ADGRL2: variants seen among roughly 807,000 people sequenced by gnomAD.
ADGRL2 encodes calcium-independent alpha-latrotoxin receptor 2.
In ADGRL2, 44 loss-of-function variants were observed where a neutral mutation model predicts 157.4. The ratio of observed to expected loss-of-function variants is 0.28; its 90% CI spans 0.22 to 0.36. The LOEUF is 0.36. ADGRL2 is among the 10% of genes least tolerant of loss of function. The probability of loss-of-function intolerance (pLI) is 1.00; values close to 1 mark genes in which losing one functional copy is unlikely to be tolerated. For missense variants in ADGRL2, 1,510 were observed against 1,768.9 expected (o/e 0.85, Z 2.63); for synonymous variants, 585 against 624.7 (o/e 0.94, Z 0.95).
At chr1:81,374,380 T>A (rs56246322) in intron 1 of ADGRL2, among the ~76,000 whole-genome samples, 2,336 of 152,232 alleles carry the variant, frequency 0.015, 61 homozygotes, top group African/African-American at 0.053. Context: ...GAGACCAGCC[T>A]GGCCAACATG....
At chr1:81,372,213 TTTAA>T (rs146103006) in intron 1 of ADGRL2, among the ~76,000 whole-genome samples, 2,450 of 152,322 alleles carry the variant, frequency 0.016, 62 homozygotes, top group African/African-American at 0.055. Flanking sequence ...ACAGTAGTAC[TTTAA>T]TTAATCATCT....
At chr1:81,798,253 T>C (rs373427687), upstream of ADGRL2, among the ~76,000 whole-genome samples, 8 of 152,234 alleles carry the variant, frequency 5.3e-5, no homozygotes, top group East Asian at 1.5e-3. Flanking sequence ...CTCTATGGTG[T>C]GTGCCTTTTA....
intron 3 of ADGRL2, among the ~76,000 whole-genome samples, chr1:81,934,176 T>C (rs575571769): frequency 9.5e-4 from 144 of 152,188 alleles, no homozygotes; most frequent in South Asian, 5.0e-3. Flanking sequence ...CAATAAAAAT[T>C]ATGTGGTTGG....
chr1:81,884,749 A>G (rs36074946), intron 2 of ADGRL2, among the ~76,000 whole-genome samples: 1,569 of 152,330 alleles, frequency 0.01, 8 homozygotes, highest in Admixed American at 0.017. Context: ...TAAAACAGAA[A>G]TAATGAATAT....
chr1:81,661,248 A>T (rs1259646510), intron 3 of ADGRL2, among the ~76,000 whole-genome samples: 3 of 152,210 alleles, frequency 2.0e-5, no homozygotes, highest in African/African-American at 7.2e-5. Flanking sequence ...TCACCTTTGT[A>T]ACAATGAGAA....
intron 1 of ADGRL2, among the ~76,000 whole-genome samples, chr1:81,741,171 G>A (rs1218742935): frequency 6.7e-6 from 1 of 148,830 alleles, no homozygotes; most frequent in Non-Finnish European, 1.5e-5. Context: ...GGAGTAAAAT[G>A]AAGTTGAAGA....
intron 3 of ADGRL2, among the ~76,000 whole-genome samples, chr1:81,657,962 G>A (rs2082570553): frequency 1.3e-5 from 2 of 152,076 alleles, no homozygotes; most frequent in African/African-American, 2.4e-5. Context: ...AAAATAAAAA[G>A]GATGGCAAGT....
At chr1:81,624,452 G>T (rs1337205560) in intron 3 of ADGRL2, among the ~76,000 whole-genome samples, 1 of 151,778 alleles carries the variant, frequency 6.6e-6, no homozygotes, top group Admixed American at 6.6e-5. Context: ...GTGGTGGCCC[G>T]CGCCTGTAAT....
At chr1:81,335,027 T>C (rs1254939067) in intron 1 of ADGRL2, among the ~76,000 whole-genome samples, 1 of 152,198 alleles carries the variant, frequency 6.6e-6, no homozygotes, top group Non-Finnish European at 1.5e-5. Context: ...CTTCCTTACC[T>C]GAAACTAACC....
intron 19 of ADGRL2, among the ~76,000 whole-genome samples, chr1:81,983,044 A>G (rs1035056445): frequency 6.6e-5 from 10 of 151,176 alleles, no homozygotes; most frequent in African/African-American, 2.4e-4. Context: ...TATATTTCCT[A>G]CATAAGTGAG....
intron 1 of ADGRL2, among the ~76,000 whole-genome samples, chr1:81,366,275 A>T (rs1252246580): frequency 3.4e-5 from 5 of 146,864 alleles, no homozygotes; most frequent in African/African-American, 9.9e-5. Flanking sequence ...ACCCACCAAG[A>T]TATGACACAT....
intron 1 of ADGRL2, among the ~76,000 whole-genome samples, chr1:81,818,367 A>G (rs1029487489): frequency 6.6e-6 from 1 of 152,158 alleles, no homozygotes; most frequent in African/African-American, 2.4e-5. Flanking sequence ...TGGATTTTAC[A>G]TTCAAGATGT....
chr1:81,727,907 T>G (rs993733255), intron 1 of ADGRL2, among the ~76,000 whole-genome samples: 3 of 152,084 alleles, frequency 2.0e-5, no homozygotes, highest in African/African-American at 7.2e-5. Flanking sequence ...AATTACAAGT[T>G]CCATGTAGGC....
intron 2 of ADGRL2, among the ~76,000 whole-genome samples, chr1:81,793,316 C>A (rs1557656140): frequency 6.6e-6 from 1 of 152,112 alleles, no homozygotes; most frequent in Non-Finnish European, 1.5e-5. Context: ...ACACATAGCA[C>A]AACTGCTTTC....
At position 81,953,028 on chromosome 1, in the gene ADGRL2, ATC is replaced by A; in HGVS notation, c.1833+8_1833+9del. On this transcript the variant is annotated splice_donor_5th_base_variant and intron_variant, in intron 10 of 23. Coordinates refer to ENST00000686636, the MANE Select transcript of ADGRL2 (RefSeq NM_001366006.2). ...AGACATGCAGGGCTTACCTTAAGGT[ATC>A]TCTCCTGTGCTGTCACCCTGCTTTC... 1.2e-6 allele frequency: 2 copies of A among 1,611,266 alleles called. No homozygotes were observed. Among genetic ancestry groups the A allele is most frequent in the Non-Finnish European group, 1.7e-6 (2 of 1,178,704 alleles).
intron 2 of ADGRL2, among the ~76,000 whole-genome samples, chr1:81,456,300 GC>G (rs1186872747): frequency 6.6e-6 from 1 of 151,948 alleles, no homozygotes; most frequent in Admixed American, 6.6e-5. Flanking sequence ...GCTCATTGTA[GC>G]CCCAACCTCC....
intron 2 of ADGRL2, among the ~76,000 whole-genome samples, chr1:81,457,227 A>G (rs2077826046): frequency 6.6e-6 from 1 of 152,156 alleles, no homozygotes; most frequent in South Asian, 2.1e-4. Context: ...TATAACAAAA[A>G]GGTCTCTTGA....
chr1:81,762,291 C>T (rs1210310374), intron 2 of ADGRL2, among the ~76,000 whole-genome samples: 2 of 151,996 alleles, frequency 1.3e-5, no homozygotes, highest in African/African-American at 2.4e-5. Flanking sequence ...TATGTTTGAC[C>T]GGGGCTTTGC....
chr1:81,684,649 C>T (rs2083193104), intron 3 of ADGRL2, among the ~76,000 whole-genome samples: 1 of 152,098 alleles, frequency 6.6e-6, no homozygotes, highest in South Asian at 2.1e-4. Context: ...TAGGTCCCAG[C>T]TATTTAGCTT....
Sources: allele counts gnomAD v4.1 joint callset (sites outside exome capture counted in the v4.1 genomes callset), GRCh38; gene constraint gnomAD v4.1.1; transcripts MANE v1.5; gene names NCBI Gene and HGNC (gene_info 2026-07-23, HGNC 2026-07-21).